The following RHNO1 variants were observed in gnomAD, a reference collection of about 807,000 sequenced individuals.
RHNO1 encodes the protein RAD9-HUS1-RAD1 interacting nuclear orphan 1, also known as RAD9, HUS1, RAD1-interacting nuclear orphan protein 1.
A neutral mutation model predicts 7.2 loss-of-function variants in RHNO1; 9 were observed. The ratio of observed to expected loss-of-function variants is 1.25; its 90% CI spans 0.75 to 2.18. The LOEUF (loss-of-function observed/expected upper bound fraction) is 2.18, where lower values mean the gene tolerates loss of function less well. Among genes scored for constraint, RHNO1 ranks in the 30% most tolerant of loss-of-function variants. The pLI, the probability that RHNO1 is intolerant of heterozygous loss-of-function variation, is 0.00. For synonymous variants in RHNO1, 95 were observed against 107.5 expected (o/e 0.88, Z 0.72); for missense variants, 292 against 284.5 (o/e 1.03, Z -0.19).
chr12:2,888,256 C>T lies in RHNO1; in HGVS notation c.514C>T (p.Gln172Ter), dbSNP rs945726677. The T allele has an allele frequency of 6.2e-7, 1 of 1,614,126 alleles. No individual in the cohort carries two copies. Among genetic ancestry groups the T allele is most frequent in the Non-Finnish European group, 8.5e-7 (1 of 1,180,032 alleles). The change falls in exon 3 of 3, where the codon CAA becomes TAA. Residue 172 changes from glutamine to a stop codon, truncating the protein, a stop_gained. Transcript: ENST00000489288. LOFTEE classifies it low-confidence loss of function (END_TRUNC). ...SSSVKEELIP[Q>*]DQKENSLLSC... ...GTCTGTGAAGGAAGAACTCATTCCCCAAGATCAGAAGGAAAACAGCCTTCT... is the reference window on the plus strand; with the variant it reads ...GTCTGTGAAGGAAGAACTCATTCCCTAAGATCAGAAGGAAAACAGCCTTCT...
At chr12:2,880,997 T>C (rs1349543721) in intron 1 of RHNO1, among the ~76,000 whole-genome samples, 2 of 152,122 alleles carry the variant, frequency 1.3e-5, no homozygotes, top group African/African-American at 4.8e-5. Context: ...ACAGGATTGC[T>C]GAGCAACGTA....
chr12:2,883,754 G>A (rs1168993706), intron 1 of RHNO1, among the ~76,000 whole-genome samples: 3 of 151,436 alleles, frequency 2.0e-5, no homozygotes, highest in Non-Finnish European at 4.4e-5. Flanking sequence ...GACCTCAGGT[G>A]ATCCACCCGC....
In RHNO1 at chr12:2,889,031, T is replaced by C. The variant is rs1275645396; in HGVS notation, c.*572T>C. On this transcript the variant is annotated 3_prime_UTR_variant, in exon 3 of 3. Coordinates refer to ENST00000489288, the MANE Select transcript of RHNO1 (RefSeq NM_001252499.3). ...CCATCCACTAATGGTCTTTGTTTCCTTAACCACTACTCATTAATCCTTAAT... is the reference window on the plus strand; with the variant it reads ...CCATCCACTAATGGTCTTTGTTTCCCTAACCACTACTCATTAATCCTTAAT... The C allele has an allele frequency of 6.6e-6, 1 of 152,270 alleles. No individual in the cohort carries two copies. The highest frequency in any genetic ancestry group is 2.4e-5 in the African/African-American group (1 of 41,464). 9.4% of individuals were successfully genotyped at this position (152,270 alleles called of 1,614,324 possible).
chr12:2,887,383 C>G (rs73245028), intron 2 of RHNO1, among the ~76,000 whole-genome samples: 1 of 150,348 alleles, frequency 6.7e-6, no homozygotes, highest in South Asian at 2.1e-4. Flanking sequence ...GAAGCTTAGG[C>G]AGCAGAATCG....
chr12:2,880,642 T>C (rs1229793821), intron 1 of RHNO1, among the ~76,000 whole-genome samples: 2 of 151,928 alleles, frequency 1.3e-5, no homozygotes, highest in Non-Finnish European at 2.9e-5. Context: ...TTCCACTTTA[T>C]TTATTTATTT....
chr12:2,876,476 G>C (rs1391707053), upstream of RHNO1: 2 of 152,168 alleles, frequency 1.3e-5, no homozygotes, highest in African/African-American at 4.8e-5. Flanking sequence ...GGGAAATCTT[G>C]CTACATTCTC....
At chr12:2,879,631 G>T (rs1305807954) in intron 1 of RHNO1, among the ~76,000 whole-genome samples, 1 of 151,860 alleles carries the variant, frequency 6.6e-6, no homozygotes, top group Non-Finnish European at 1.5e-5. Context: ...ACTGCGCTCA[G>T]CCTTACACAT....
intron 1 of RHNO1, among the ~76,000 whole-genome samples, chr12:2,882,508 G>T (rs2098159182): frequency 6.6e-6 from 1 of 151,710 alleles, no homozygotes; most frequent in South Asian, 2.1e-4. Context: ...TTCAAGACCA[G>T]CCTGGCCAAA....
At chr12:2,883,708 G>T (rs1181573859) in intron 1 of RHNO1, among the ~76,000 whole-genome samples, 1 of 150,898 alleles carries the variant, frequency 6.6e-6, no homozygotes, top group African/African-American at 2.4e-5. Context: ...TAGGGACAGG[G>T]TTTCTCCACG....
intron 1 of RHNO1, among the ~76,000 whole-genome samples, chr12:2,883,489 ATATATATATATATATATATATAT>A (rs1226784915): frequency 1.6e-4 from 3 of 19,016 alleles, no homozygotes; most frequent in East Asian, 1.6e-3. Context: ...ATATATATAT[ATATATATATATATATATATATAT>A]TTTTTTTTTT....
At chr12:2,883,492 T>TATATATATATATAC (rs2098161050) in intron 1 of RHNO1, among the ~76,000 whole-genome samples, 3 of 19,088 alleles carry the variant, frequency 1.6e-4, no homozygotes, top group Admixed American at 7.8e-4. Context: ...TATATATATA[T>TATATATATATATAC]ATATATATAT....
rs1243123832 is a variant in RHNO1, at chr12:2,889,335, A to G, written c.*876A>G. 6.6e-6 allele frequency: 1 copy of G among 152,210 alleles called. No homozygotes were observed. Among genetic ancestry groups the G allele is most frequent in the African/African-American group, 2.4e-5 (1 of 41,442 alleles). The allele number at this position is 152,210 out of a possible 1,614,324, so 9.4% of individuals were successfully genotyped here. A position where few individuals can be genotyped will look rare whatever the true frequency, so the allele number is the denominator to read the frequency against. On this transcript the variant is annotated 3_prime_UTR_variant, in exon 3 of 3. Transcript: ENST00000489288. ...TGAGTTTTTGTTTCTAACTGAAGAA[A>G]TCTGTCAATATTAAATAGGGTGGGA... is the stretch of plus-strand genomic sequence containing the variant.
chr12:2,886,830 G>A, intron 2 of RHNO1: 1 of 401,348 alleles, frequency 2.5e-6, no homozygotes, highest in South Asian at 1.7e-5. Context: ...CTACAGGATT[G>A]TGGAAGAAAC....
Position 2,887,985 on chromosome 12 carries a change from C to A in RHNO1, c.243C>A (p.His81Gln). 6.2e-7 allele frequency: 1 copy of A among 1,613,772 alleles called. No individual in the cohort carries two copies. Among genetic ancestry groups the A allele is most frequent in the East Asian group, 2.2e-5 (1 of 44,858 alleles). The change falls in exon 3 of 3, where the codon CAC becomes CAA. Residue 81 changes from histidine (H) to glutamine (Q), a missense_variant. By Grantham distance (24) the His-to-Gln change is conservative. Transcript: ENST00000489288. ...AYQKHQNRAR[H>Q]SSRKPTTSKF... ...AGAAACACCAAAACCGGGCGAGACA[C>A]TCAAGTCGAAAACCTACCACCTCCA... is the stretch of plus-strand genomic sequence containing the variant.
intron 1 of RHNO1, among the ~76,000 whole-genome samples, chr12:2,883,112 C>T (rs1452201931): frequency 1.4e-5 from 2 of 147,980 alleles, no homozygotes; most frequent in South Asian, 2.1e-4. Flanking sequence ...GGTGTGGTGG[C>T]TCACACCTGT....
rs531476793 is a variant in RHNO1 at position 2,888,130 on chromosome 12, C to A, written c.388C>A (p.Pro130Thr). Residue 130 changes from proline to threonine, a missense_variant, in exon 3 of 3, where the codon CCA (proline) becomes ACA (threonine). By Grantham distance (38) the Pro-to-Thr change is conservative. Coordinates refer to ENST00000489288, the MANE Select transcript of RHNO1 (RefSeq NM_001252499.3). ...EKDVSRRPLV[P>T]VLSPQSCGNM... ...GGATGTTTCCAGAAGACCCTTAGTT[C>A]CAGTGCTCAGTCCCCAAAGCTGTGG... 13 of 1,613,928 alleles carry A rather than the reference C, an allele frequency of 8.1e-6. No homozygotes were observed. The South Asian group carries it at 1.2e-4, about 15-fold the overall frequency.
intron 1 of RHNO1, chr12:2,885,043 A>C (rs533497341): frequency 1.9e-4 from 52 of 267,140 alleles, no homozygotes; most frequent in African/African-American, 1.1e-3. Context: ...ATGATTGTTG[A>C]ATAAATGGTT....
intron 1 of RHNO1, among the ~76,000 whole-genome samples, chr12:2,880,419 C>T (rs1012012525): frequency 1.3e-5 from 2 of 151,884 alleles, no homozygotes; most frequent in African/African-American, 4.8e-5. Context: ...GAGTTCAAGA[C>T]CAGTCTGGCC....
rs539902874 is a variant in RHNO1 at position 2,887,978 on chromosome 12, C to A, written c.236C>A (p.Ala79Glu). ...GCCTACCAGAAACACCAAAACCGGG[C>A]GAGACACTCAAGTCGAAAACCTACC... ...FPAYQKHQNR[A>E]RHSSRKPTTS... The change falls in exon 3 of 3, where the codon GCG becomes GAG. Residue 79 changes from alanine to glutamate, a missense_variant. Transcript: ENST00000489288. 1.2e-6 allele frequency: 2 copies of A among 1,613,354 alleles called. No individual in the cohort carries two copies. Among genetic ancestry groups the A allele is most frequent in the South Asian group, 2.2e-5 (2 of 91,002 alleles).
Sources: allele counts gnomAD v4.1 joint callset (sites outside exome capture counted in the v4.1 genomes callset), GRCh38; gene constraint gnomAD v4.1.1; transcripts MANE v1.5; gene names NCBI Gene and HGNC (gene_info 2026-07-23, HGNC 2026-07-21).